The following CADM2 variants were observed in gnomAD, a reference collection of about 807,000 sequenced individuals.
CADM2 encodes cell adhesion molecule 2.
A neutral mutation model predicts 49.8 loss-of-function variants in CADM2; 12 were observed. The observed-to-expected ratio is 0.24, with a 90% CI of 0.15 to 0.39. CADM2 has a LOEUF of 0.39. CADM2 is among the 10% of genes least tolerant of loss of function. The probability of loss-of-function intolerance (pLI) is 1.00; values close to 1 mark genes in which losing one functional copy is unlikely to be tolerated. For missense variants in CADM2, 378 were observed against 492.3 expected, an observed-to-expected ratio of 0.77 and a Z score of 2.20; for synonymous variants, 214 against 175.4, an observed-to-expected ratio of 1.22 and a Z score of -1.74.
At chr3:85,492,286 C>A (rs2039706869) in intron 1 of CADM2, among the ~76,000 whole-genome samples, 2 of 152,050 alleles carry the variant, frequency 1.3e-5, no homozygotes, top group Admixed American at 6.6e-5. Context: ...GAAACATTTT[C>A]TCTTTATAAA....
In CADM2 at chr3:85,987,637, A is replaced by G. The variant is rs1367041178; in HGVS notation, c.970+25990A>G. Among the ~76,000 whole-genome samples, 3 of 146,888 alleles carry G rather than the reference A, an allele frequency of 2.0e-5. No individual in the cohort carries two copies. The South Asian group carries it at 6.3e-4, about 31-fold the overall frequency. On this transcript the variant is annotated intron_variant, in intron 8 of 9. Transcript: ENST00000383699. The stretch of plus-strand genomic sequence containing the variant: ...ATTATTATAATTAAATATTATAATA[A>G]AATATGTTTATATTTATATAATTTA...
chr3:85,585,631 G>T (rs2062922028), intron 1 of CADM2, among the ~76,000 whole-genome samples: 2 of 151,964 alleles, frequency 1.3e-5, no homozygotes, highest in Non-Finnish European at 2.9e-5. Context: ...ACCTTCTGAG[G>T]ATAAGGGGGA....
chr3:85,857,190 A>C (rs1369632531), intron 3 of CADM2, among the ~76,000 whole-genome samples: 2 of 152,144 alleles, frequency 1.3e-5, no homozygotes, highest in Admixed American at 6.6e-5. Context: ...TTCCACTCTA[A>C]TCACCTAAAG....
At chr3:85,734,923 TTTC>T (rs1475173719) in intron 2 of CADM2, among the ~76,000 whole-genome samples, 2 of 151,354 alleles carry the variant, frequency 1.3e-5, no homozygotes, top group African/African-American at 4.8e-5. Flanking sequence ...TAAAAGAGCA[TTTC>T]TTATCATCTT....
chr3:85,230,992 T>C (rs1415967202), intron 1 of CADM2, among the ~76,000 whole-genome samples: 1 of 149,588 alleles, frequency 6.7e-6, no homozygotes, highest in East Asian at 1.9e-4. Context: ...ATGTTTGTTT[T>C]TTTCTGGAAA....
At chr3:85,687,012 C>T (rs1024196049) in intron 1 of CADM2, among the ~76,000 whole-genome samples, 9 of 152,136 alleles carry the variant, frequency 5.9e-5, no homozygotes, top group African/African-American at 1.4e-4. Flanking sequence ...GGCTGTGTCA[C>T]GGGTGTGCAT....
At chr3:85,940,581 T>C (rs1463668461) in intron 7 of CADM2, among the ~76,000 whole-genome samples, 1 of 152,112 alleles carries the variant, frequency 6.6e-6, no homozygotes, top group East Asian at 1.9e-4. Flanking sequence ...TGTTAAATTA[T>C]TTGGCCTAAT....
At chr3:85,104,206 T>A (rs540687084) in intron 1 of CADM2, among the ~76,000 whole-genome samples, 47 of 151,370 alleles carry the variant, frequency 3.1e-4, no homozygotes, top group South Asian at 1.5e-3. Flanking sequence ...CTTTAATCCA[T>A]CTTGAATTAA....
At chr3:85,365,120 G>A (rs2032655679) in intron 1 of CADM2, among the ~76,000 whole-genome samples, 1 of 146,860 alleles carries the variant, frequency 6.8e-6, no homozygotes, top group East Asian at 2.0e-4. Context: ...GTATGATGAA[G>A]GTTTTTCTAT....
chr3:85,512,819 ATTAG>A (rs1361233213), intron 1 of CADM2, among the ~76,000 whole-genome samples: 2 of 152,046 alleles, frequency 1.3e-5, no homozygotes, highest in Non-Finnish European at 2.9e-5. Context: ...CATTCTGAAG[ATTAG>A]TTAAAAACAT....
intron 1 of CADM2, among the ~76,000 whole-genome samples, chr3:85,296,155 C>G (rs545715503): frequency 6.6e-6 from 1 of 151,896 alleles, no homozygotes; most frequent in South Asian, 2.1e-4. Context: ...AATGTGGTAT[C>G]AAATTATTAC....
chr3:85,456,724 A>G (rs9309980), intron 1 of CADM2, among the ~76,000 whole-genome samples: 37,539 of 151,900 alleles, frequency 0.25, 4,811 homozygotes, highest in South Asian at 0.34. Flanking sequence ...ATTTAAGTCT[A>G]TAGGCCTACT....
At chr3:85,580,156 A>G (rs1380059083) in intron 1 of CADM2, among the ~76,000 whole-genome samples, 7 of 152,164 alleles carry the variant, frequency 4.6e-5, no homozygotes, top group Admixed American at 2.0e-4. Flanking sequence ...AAACTTCGAA[A>G]TGTAAGTTAT....
chr3:85,006,431 AT>A (rs2033731604), intron 1 of CADM2, among the ~76,000 whole-genome samples: 1 of 152,164 alleles, frequency 6.6e-6, no homozygotes, highest in Non-Finnish European at 1.5e-5. Flanking sequence ...AAATAAATAA[AT>A]AAATAAAAGG....
At chr3:85,310,337 C>G (rs1297920204) in intron 1 of CADM2, among the ~76,000 whole-genome samples, 1 of 152,148 alleles carries the variant, frequency 6.6e-6, no homozygotes, top group Admixed American at 6.6e-5. Flanking sequence ...TCTATCAATT[C>G]ACATCATATA....
chr3:85,982,457 T>G (rs1307619540), intron 8 of CADM2, among the ~76,000 whole-genome samples: 3 of 151,634 alleles, frequency 2.0e-5, no homozygotes, highest in Non-Finnish European at 4.4e-5. Flanking sequence ...AGTTTTTTTG[T>G]AAGCTGGGAA....
In CADM2 at chr3:86,013,374, C is replaced by G. The variant is rs929868412; in HGVS notation, c.970+51727C>G. 12 of 1,537,786 alleles carry G rather than the reference C, an allele frequency of 7.8e-6. No homozygotes were observed. The Admixed American group carries it at 1.5e-4, about 20-fold the overall frequency. On this transcript the variant is annotated intron_variant, in intron 8 of 9. Transcript: ENST00000383699. The stretch of plus-strand genomic sequence containing the variant: ...TGAATTATTGATTCTGATGGGAAAG[C>G]AAAATATACCTCTGGATGGACAGGA...
At chr3:85,583,255 A>C (rs2062847231) in intron 1 of CADM2, among the ~76,000 whole-genome samples, 1 of 152,112 alleles carries the variant, frequency 6.6e-6, no homozygotes, top group Admixed American at 6.6e-5. Flanking sequence ...TGATGGCTTC[A>C]TTCACTCATT....
intron 6 of CADM2, among the ~76,000 whole-genome samples, chr3:85,923,081 C>T (rs190624723): frequency 1.8e-3 from 267 of 152,154 alleles, no homozygotes; most frequent in African/African-American, 6.2e-3. Flanking sequence ...CCTCGGCCTC[C>T]CAAAGTGCTG....
Sources: allele counts gnomAD v4.1 joint callset (sites outside exome capture counted in the v4.1 genomes callset), GRCh38; gene constraint gnomAD v4.1.1; transcripts MANE v1.5; gene names NCBI Gene and HGNC (gene_info 2026-07-23, HGNC 2026-07-21).